The following ALDH4A1 variants were observed in gnomAD, a reference collection of about 807,000 sequenced individuals.
The protein encoded by ALDH4A1 is aldehyde dehydrogenase 4 family member A1, also known as delta-1-pyrroline-5-carboxylate dehydrogenase, mitochondrial.
In ALDH4A1, 46 loss-of-function variants were observed where a neutral mutation model predicts 70.5. The ratio of observed to expected loss-of-function variants is 0.65; its 90% CI spans 0.51 to 0.83. The LOEUF is 0.83. Ranked by LOEUF, ALDH4A1 falls within the 40% of genes least tolerant of loss-of-function variation. The pLI, the probability that ALDH4A1 is intolerant of heterozygous loss-of-function variation, is 0.00. For missense variants in ALDH4A1, 749 were observed against 766.5 expected (o/e 0.98, Z 0.27); for synonymous variants, 323 against 324.3 (o/e 1.00, Z 0.04).
In ALDH4A1 at chr1:18,902,498, C is replaced by T. The variant is rs1019213474; in HGVS notation, c.26G>A (p.Arg9His). 3 of 1,478,502 alleles carry T rather than the reference C, an allele frequency of 2.0e-6. No individual in the cohort carries two copies. Among genetic ancestry groups the T allele is most frequent in the South Asian group, 1.3e-5 (1 of 77,494 alleles). 91.6% of individuals were successfully genotyped at this position (1,478,502 alleles called of 1,614,324 possible). A position where few individuals can be genotyped will look rare whatever the true frequency, so the allele number is the denominator to read the frequency against. MLLPAPAL[R>H]RALLSRPWTG... ...CCAGGGGCGGGACAGCAGGGCGCGG[C>T]GGAGCGCGGGCGCCGGCAGCAGCAT... is the stretch of plus-strand genomic sequence containing the variant. Residue 9 changes from arginine to histidine, a missense_variant, in exon 1 of 15, where the codon CGC (arginine) becomes CAC (histidine). Arg to His is a conservative substitution (Grantham distance 29). Transcript: ENST00000375341.
At chr1:18,879,201 G>T in intron 9 of ALDH4A1, 99 bp downstream of exon 9, 2 of 1,239,680 alleles carry the variant, frequency 1.6e-6, no homozygotes, top group Non-Finnish European at 2.3e-6. Context: ...TCATCCACCT[G>T]ACTTGTGGCT....
chr1:18,901,203 T>C (rs760597267), intron 1 of ALDH4A1, among the ~76,000 whole-genome samples: 7 of 152,128 alleles, frequency 4.6e-5, no homozygotes, highest in Non-Finnish European at 8.8e-5. Flanking sequence ...GTGGCCCCAG[T>C]CTCAGCCTAG....
intron 1 of ALDH4A1, among the ~76,000 whole-genome samples, chr1:18,892,783 C>A (rs1375190510): frequency 2.0e-5 from 3 of 152,074 alleles, no homozygotes; most frequent in Non-Finnish European, 1.5e-5. Flanking sequence ...AGCCAGTTTC[C>A]CTCCCTCCCT....
intron 1 of ALDH4A1, among the ~76,000 whole-genome samples, chr1:18,900,364 G>T (rs889456071): frequency 1.3e-5 from 2 of 152,162 alleles, no homozygotes; most frequent in African/African-American, 2.4e-5. Context: ...CATGTCACGG[G>T]TGTGCTCTAA....
At chr1:18,887,547 C>T (rs59252678) in intron 3 of ALDH4A1, among the ~76,000 whole-genome samples, 4,480 of 151,926 alleles carry the variant, frequency 0.029, 241 homozygotes, top group African/African-American at 0.1. Context: ...TGCAGTGAGC[C>T]GAGATCGCAC....
At chr1:18,873,078 C>T in intron 14 of ALDH4A1, 121 bp from the exon 15 acceptor site, 1 of 847,434 alleles carries the variant, frequency 1.2e-6, no homozygotes, top group Non-Finnish European at 1.9e-6. Flanking sequence ...AGCCTGCTGC[C>T]AAGCTTGGGG....
rs142027381 is a variant in ALDH4A1, at chr1:18,898,218, G to A, written c.62+4244C>T. Reference sequence around the variant, plus strand: ...TGCGCCTGTAGTTCCAGCTACTTGGGAGGCTGAGGTGGGAGGATGACTGAG... The same window carrying A: ...TGCGCCTGTAGTTCCAGCTACTTGGAAGGCTGAGGTGGGAGGATGACTGAG... On this transcript the variant is annotated intron_variant, in intron 1 of 14. Coordinates refer to ENST00000375341, the MANE Select transcript of ALDH4A1 (RefSeq NM_003748.4). The surrounding 1 kb of genome is among the most constrained non-coding windows in gnomAD (Gnocchi z 4.3). Among the ~76,000 whole-genome samples the A allele has an allele frequency of 2.1e-3, 318 of 152,228 alleles. 2 individuals carry two copies. The highest frequency in any genetic ancestry group is 0.013 in the Admixed American group (195 of 15,282).
At position 18,885,477 on chromosome 1, in the gene ALDH4A1, C is replaced by G; in HGVS notation, c.449G>C (p.Gly150Ala). The change falls in exon 5 of 15, where the codon GGA becomes GCA. Residue 150 changes from glycine to alanine, a missense_variant. By Grantham distance (60) the Gly-to-Ala change is moderately conservative. Coordinates refer to ENST00000375341, the MANE Select transcript of ALDH4A1 (RefSeq NM_003748.4). ...RAEILAKTMV[G>A]QGKTVIQAEI... Reference sequence around the variant, plus strand: ...CCGGGCCCACCAGCACCTCACCTGTCCCACCATGGTCTTGGCGAGGATCTC... The same window carrying G: ...CCGGGCCCACCAGCACCTCACCTGTGCCACCATGGTCTTGGCGAGGATCTC... 1 of 1,338,344 alleles carries G rather than the reference C, an allele frequency of 7.5e-7. No homozygotes were observed. Among genetic ancestry groups the G allele is most frequent in the Non-Finnish European group, 9.8e-7 (1 of 1,023,952 alleles). 82.9% of individuals were successfully genotyped at this position (1,338,344 alleles called of 1,614,324 possible). A position where few individuals can be genotyped will look rare whatever the true frequency, so the allele number is the denominator to read the frequency against.
chr1:18,872,785 G>T lies in ALDH4A1; in HGVS notation c.*60C>A. 1.5e-6 allele frequency: 2 copies of T among 1,328,250 alleles called. No individual in the cohort carries two copies. Among genetic ancestry groups the T allele is most frequent in the Non-Finnish European group, 2.2e-6 (2 of 928,148 alleles). The allele number at this position is 1,328,250 out of a possible 1,614,324, so 82.3% of individuals were successfully genotyped here. On this transcript the variant is annotated 3_prime_UTR_variant, in exon 15 of 15. Transcript: ENST00000375341. ...GGGTGGAGGGGCTGGAGTGGGGTCTGTGCAGTGAGGTCGGCCACCTGGACG... is the reference window on the plus strand; with the variant it reads ...GGGTGGAGGGGCTGGAGTGGGGTCTTTGCAGTGAGGTCGGCCACCTGGACG...
intron 1 of ALDH4A1, among the ~76,000 whole-genome samples, chr1:18,901,793 T>A (rs2100623111): frequency 6.6e-6 from 1 of 152,266 alleles, no homozygotes; most frequent in South Asian, 2.1e-4. Context: ...GCACTCCCCA[T>A]GTATTAACTC....
chr1:18,902,384 CG>C, intron 1 of ALDH4A1, 77 bp downstream of exon 1: 6 of 1,192,896 alleles, frequency 5.0e-6, no homozygotes, highest in South Asian at 4.2e-5. Flanking sequence ...GAGTGCGGCG[CG>C]GGGGACGCCC....
At chr1:18,888,577 G>C (rs1174090634) in intron 3 of ALDH4A1, among the ~76,000 whole-genome samples, 5 of 152,376 alleles carry the variant, frequency 3.3e-5, no homozygotes, top group East Asian at 3.9e-4. Flanking sequence ...CGGAGCTACA[G>C]GTGAGGGCAA....
intron 1 of ALDH4A1, among the ~76,000 whole-genome samples, chr1:18,895,568 G>T (rs926360264): frequency 1.3e-4 from 20 of 152,162 alleles, no homozygotes; most frequent in Non-Finnish European, 2.8e-4. Flanking sequence ...GATCTACAAA[G>T]GACATGCACC....
At chr1:18,876,661 C>CTGTGTGTGTGTG (rs10524811) in intron 11 of ALDH4A1, among the ~76,000 whole-genome samples, 194 bp from the exon 12 acceptor site, 5,722 of 146,764 alleles carry the variant, frequency 0.039, 240 homozygotes, top group African/African-American at 0.091. Context: ...GACATGAACA[C>CTGTGTGTGTGTG]TGTGTGTGTG....
At chr1:18,890,972 C>T (rs925610689) in intron 1 of ALDH4A1, 1 of 895,206 alleles carries the variant, frequency 1.1e-6, no homozygotes, top group Non-Finnish European at 1.3e-6. Context: ...GCTCAGCTCA[C>T]AGCCCCGGGA....
intron 4 of ALDH4A1, 26 bp downstream of exon 4, chr1:18,886,438 G>C: frequency 1.2e-6 from 2 of 1,613,748 alleles, no homozygotes; most frequent in Non-Finnish European, 1.7e-6. Context: ...CTAACCCCGG[G>C]TCACCAGGCA....
intron 1 of ALDH4A1, chr1:18,900,978 G>A: frequency 6.5e-6 from 6 of 917,992 alleles, no homozygotes; most frequent in Non-Finnish European, 6.5e-6. Context: ...ATATTGGAGG[G>A]TTTTCCTATG....
chr1:18,887,315 G>A (rs116507166), intron 3 of ALDH4A1, among the ~76,000 whole-genome samples: 6,202 of 152,310 alleles, frequency 0.041, 442 homozygotes, highest in African/African-American at 0.14. Context: ...AAACTTCCCT[G>A]TTGGCCGGGC....
At chr1:18,876,206 T>C (rs936033172) in intron 12 of ALDH4A1, 109 bp downstream of exon 12, 84 of 1,453,490 alleles carry the variant, frequency 5.8e-5, no homozygotes, top group Non-Finnish European at 7.4e-5. Flanking sequence ...AGGGTCTCCC[T>C]TTAGGGCCTC....
Sources: allele counts gnomAD v4.1 joint callset (sites outside exome capture counted in the v4.1 genomes callset), GRCh38; gene constraint gnomAD v4.1.1; non-coding constraint Gnocchi (gnomAD v3.1); transcripts MANE v1.5; gene names NCBI Gene and HGNC (gene_info 2026-07-23, HGNC 2026-07-21).